SCN8A: variants seen among roughly 807,000 people sequenced by gnomAD.
SCN8A encodes the protein sodium channel protein type 8 subunit alpha.
Under a neutral mutation model 184.1 loss-of-function variants are expected in SCN8A, and 30 were observed. The ratio of observed to expected loss-of-function variants is 0.16; its 90% CI spans 0.12 to 0.22. The LOEUF (loss-of-function observed/expected upper bound fraction) is 0.22, where lower values mean the gene tolerates loss of function less well. Among genes scored for constraint, SCN8A ranks in the 10% least tolerant of loss-of-function variants. SCN8A has a pLI of 1.00. For missense variants in SCN8A, 1,057 were observed against 2,498.9 expected, an observed-to-expected ratio of 0.42 and a Z score of 12.30; for synonymous variants, 852 against 907.0, an observed-to-expected ratio of 0.94 and a Z score of 1.09.
intron 1 of SCN8A, among the ~76,000 whole-genome samples, chr12:51,627,539 A>C (rs891066774): frequency 6.6e-6 from 1 of 151,710 alleles, no homozygotes; most frequent in South Asian, 2.1e-4. Flanking sequence ...GCACCACCAC[A>C]CCTAGCTAGT....
chr12:51,651,617 GA>G (rs1381065429), intron 1 of SCN8A, among the ~76,000 whole-genome samples: 2 of 152,198 alleles, frequency 1.3e-5, no homozygotes, highest in East Asian at 1.9e-4. Flanking sequence ...CAGTATGGGG[GA>G]AACCGCCCCC....
chr12:51,812,374 C>A lies in SCN8A; in HGVS notation c.*4945C>A. On this transcript the variant is annotated 3_prime_UTR_variant, in exon 27 of 27. Coordinates refer to ENST00000627620, the MANE Select transcript of SCN8A (RefSeq NM_001330260.2). ...CCTCTCTGTGCCTCAGTTTCCCCAT[C>A]TGTAAAATGGGGATAATAATACTGA... The A allele has an allele frequency of 6.3e-6, 1 of 158,904 alleles. No individual in the cohort carries two copies. Among genetic ancestry groups the A allele is most frequent in the South Asian group, 1.7e-4 (1 of 5,820 alleles). 9.8% of individuals were successfully genotyped at this position (158,904 alleles called of 1,614,324 possible).
At chr12:51,754,960 T>TA (rs1254846270) in intron 14 of SCN8A, among the ~76,000 whole-genome samples, 2 of 152,254 alleles carry the variant, frequency 1.3e-5, no homozygotes, top group African/African-American at 2.4e-5. Context: ...TCTGTGAAGT[T>TA]ACGCTTTTTC....
intron 1 of SCN8A, among the ~76,000 whole-genome samples, chr12:51,612,820 C>G (rs1939750619): frequency 6.6e-6 from 1 of 152,070 alleles, no homozygotes; most frequent in Admixed American, 6.5e-5. Context: ...CTTCTGGGTT[C>G]AAGTGATTCT....
chr12:51,728,869 G>A (rs979411142), intron 12 of SCN8A, among the ~76,000 whole-genome samples: 4 of 151,674 alleles, frequency 2.6e-5, no homozygotes, highest in African/African-American at 9.7e-5. Flanking sequence ...CCCATCACAC[G>A]AGATGTCCCA....
intron 12 of SCN8A, among the ~76,000 whole-genome samples, chr12:51,729,051 T>C (rs1942199864): frequency 6.6e-6 from 1 of 152,182 alleles, no homozygotes; most frequent in African/African-American, 2.4e-5. Flanking sequence ...TATAGCAAGG[T>C]CTAAATAGCG....
chr12:51,800,938 G>A (rs912653543), intron 26 of SCN8A, among the ~76,000 whole-genome samples: 1 of 152,170 alleles, frequency 6.6e-6, no homozygotes, highest in Non-Finnish European at 1.5e-5. Flanking sequence ...TTTATTCAAG[G>A]GGAATATTAT....
At chr12:51,680,806 A>G (rs1941318051) in intron 2 of SCN8A, among the ~76,000 whole-genome samples, 2 of 152,146 alleles carry the variant, frequency 1.3e-5, no homozygotes, top group Non-Finnish European at 2.9e-5. Context: ...GTTCAAGACC[A>G]GCCTGGCCAA....
chr12:51,689,143 C>A, intron 6 of SCN8A, 47 bp downstream of exon 6: 1 of 1,354,398 alleles, frequency 7.4e-7, no homozygotes, highest in Non-Finnish European at 1.0e-6. Context: ...TCTCCTCTTT[C>A]TCCTCCATTC....
chr12:51,783,304 G>A (rs1242647529), intron 21 of SCN8A, among the ~76,000 whole-genome samples: 2 of 152,094 alleles, frequency 1.3e-5, no homozygotes, highest in African/African-American at 4.8e-5. Context: ...TTTTCTATGG[G>A]GCATTTTTTT....
intron 14 of SCN8A, among the ~76,000 whole-genome samples, chr12:51,754,323 C>CT (rs35536426): frequency 0.089 from 12,808 of 144,498 alleles, 962 homozygotes; most frequent in African/African-American, 0.21. Flanking sequence ...CAAAAAACTT[C>CT]TTTTTTTTTT....
intron 2 of SCN8A, among the ~76,000 whole-genome samples, chr12:51,669,483 A>T (rs1273473656): frequency 6.6e-6 from 1 of 151,968 alleles, no homozygotes; most frequent in Non-Finnish European, 1.5e-5. Flanking sequence ...CCACCCACCC[A>T]CCTTCTTCTG....
chr12:51,757,843 A>G (rs1365200301), intron 14 of SCN8A, among the ~76,000 whole-genome samples: 1 of 152,194 alleles, frequency 6.6e-6, no homozygotes, highest in Non-Finnish European at 1.5e-5. Flanking sequence ...GTGAATTCAG[A>G]GTATTTTATA....
At chr12:51,651,257 G>C (rs1592355817) in intron 1 of SCN8A, among the ~76,000 whole-genome samples, 1 of 152,330 alleles carries the variant, frequency 6.6e-6, no homozygotes, top group Non-Finnish European at 1.5e-5. Flanking sequence ...TGGGGGGCCT[G>C]CTCCCAACAG....
intron 6 of SCN8A, among the ~76,000 whole-genome samples, chr12:51,697,885 G>A (rs1259314891): frequency 6.6e-6 from 1 of 152,196 alleles, no homozygotes; most frequent in East Asian, 1.9e-4. Flanking sequence ...GTCTCGCTCT[G>A]TTGACCAGGC....
intron 21 of SCN8A, 136 bp downstream of exon 21, chr12:51,780,907 T>TC: frequency 8.9e-7 from 1 of 1,123,868 alleles, no homozygotes; most frequent in East Asian, 3.5e-5. Flanking sequence ...CTCCACTCTC[T>TC]CCCCCACACC....
chr12:51,679,486 G>T (rs1404233797), intron 2 of SCN8A, among the ~76,000 whole-genome samples: 3 of 152,156 alleles, frequency 2.0e-5, no homozygotes, highest in Non-Finnish European at 2.9e-5. Context: ...CACTCTTCTT[G>T]GGTTGCATGT....
At chr12:51,758,584 C>T (rs932141369) in intron 14 of SCN8A, among the ~76,000 whole-genome samples, 8 of 152,200 alleles carry the variant, frequency 5.3e-5, no homozygotes, top group Non-Finnish European at 1.2e-4. Flanking sequence ...ATTATAGGTG[C>T]CCGCCACCAT....
chr12:51,695,720 T>C (rs538617710), intron 6 of SCN8A, among the ~76,000 whole-genome samples: 23 of 152,356 alleles, frequency 1.5e-4, no homozygotes, highest in African/African-American at 5.3e-4. Context: ...AATGACAGAA[T>C]ATGGCTACCA....
Sources: allele counts gnomAD v4.1 joint callset (sites outside exome capture counted in the v4.1 genomes callset), GRCh38; gene constraint gnomAD v4.1.1; transcripts MANE v1.5; gene names NCBI Gene and HGNC (gene_info 2026-07-23, HGNC 2026-07-21).